The following CRX variants were observed in gnomAD, a reference collection of about 807,000 sequenced individuals.
CRX encodes the protein cone-rod homeobox, also known as cone-rod homeobox protein.
CRX carries 5 observed loss-of-function variants against 13.1 expected under a neutral mutation model. The ratio of observed to expected loss-of-function variants is 0.38; its 90% confidence interval spans 0.20 to 0.80. CRX has a LOEUF of 0.80. Among genes scored for constraint, CRX ranks in the 30% least tolerant of loss-of-function variants. The pLI is 0.43. For synonymous variants in CRX, 179 were observed against 171.1 expected (o/e 1.05, Z -0.36); for missense variants, 351 against 391.8 (o/e 0.90, Z 0.88).
Position 47,835,940 on chromosome 19 carries a change from G to A in CRX, c.101-303G>A, listed in dbSNP as rs996306273. On this transcript the variant is annotated intron_variant, in intron 2 of 3. Transcript: ENST00000221996. ...CCAGCCCAGACTTGCTACTTTTATAGGCTAGAAACGGTTGAATGTCAGCAA... is the reference window on the plus strand; with the variant it reads ...CCAGCCCAGACTTGCTACTTTTATAAGCTAGAAACGGTTGAATGTCAGCAA... Among the ~76,000 whole-genome samples the A allele has an allele frequency of 2.6e-5, 4 of 152,200 alleles. 1 individual carries two copies. The South Asian group carries it at 6.2e-4, about 24-fold the overall frequency.
intron 1 of CRX, among the ~76,000 whole-genome samples, chr19:47,828,673 T>C (rs910804287): frequency 1.4e-5 from 2 of 147,880 alleles, no homozygotes; most frequent in Non-Finnish European, 1.5e-5. Flanking sequence ...CTGGGGAAAG[T>C]AGCTGAGCTG....
At chr19:47,838,134 G>A (rs11666668) in intron 3 of CRX, among the ~76,000 whole-genome samples, 26,868 of 152,030 alleles carry the variant, frequency 0.18, 2,643 homozygotes, top group Non-Finnish European at 0.22. Context: ...ATAATTGTAT[G>A]TTTGTATGTC....
At chr19:47,824,742 G>A (rs76347589) in intron 1 of CRX, among the ~76,000 whole-genome samples, 4,009 of 152,190 alleles carry the variant, frequency 0.026, 71 homozygotes, top group Non-Finnish European at 0.041. Context: ...GGGAACCTGG[G>A]ACCCAGTGAG....
In CRX at chr19:47,840,428, G is replaced by A. The variant is rs1304464199; in HGVS notation, c.*461G>A. ...GTTTTGTTTTTGTTTTGCAGACACA[G>A]TCTAGCTCTGTCGCCCAGGCTGGAG... On this transcript the variant is annotated 3_prime_UTR_variant, in exon 4 of 4. Coordinates refer to ENST00000221996, the MANE Select transcript of CRX (RefSeq NM_000554.6). 2 of 190,512 alleles carry A rather than the reference G, an allele frequency of 1.0e-5. No individual in the cohort carries two copies. Among genetic ancestry groups the A allele is most frequent in the Non-Finnish European group, 2.2e-5 (2 of 90,500 alleles). The allele number at this position is 190,512 out of a possible 1,614,324, so 11.8% of individuals were successfully genotyped here. A position where few individuals can be genotyped will look rare whatever the true frequency, so the allele number is the denominator to read the frequency against.
intron 2 of CRX, 58 bp downstream of exon 2, chr19:47,834,601 T>A (rs937736840): frequency 1.4e-6 from 2 of 1,422,564 alleles, no homozygotes; most frequent in Non-Finnish European, 2.0e-6. Flanking sequence ...GGAGGACCTC[T>A]GGGGTCCCTT....
intron 2 of CRX, among the ~76,000 whole-genome samples, chr19:47,834,774 G>A (rs1395182547): frequency 2.0e-5 from 3 of 152,090 alleles, no homozygotes; most frequent in East Asian, 1.9e-4. Context: ...TCTGGAAGGG[G>A]AATCAAGAGG....
chr19:47,825,742 A>G (rs1967967027), intron 1 of CRX, among the ~76,000 whole-genome samples: 1 of 143,586 alleles, frequency 7.0e-6, no homozygotes, highest in Non-Finnish European at 1.6e-5. Flanking sequence ...CAACATGGAG[A>G]AACCCAATCT....
In CRX at chr19:47,840,888, A is replaced by T. The variant is rs916281196; in HGVS notation, c.*921A>T. On this transcript the variant is annotated 3_prime_UTR_variant, in exon 4 of 4. Transcript: ENST00000221996. Reference sequence around the variant, plus strand: ...TCCATCATGCCCGGCTAATTTTTCTATTATTAGTAGAGACAGGGTTTTACC... The same window carrying T: ...TCCATCATGCCCGGCTAATTTTTCTTTTATTAGTAGAGACAGGGTTTTACC... 1 of 149,750 alleles carries T rather than the reference A, an allele frequency of 6.7e-6. No individual in the cohort carries two copies. Among genetic ancestry groups the T allele is most frequent in the African/African-American group, 2.5e-5 (1 of 40,524 alleles). The allele number at this position is 149,750 out of a possible 1,614,324, so 9.3% of individuals were successfully genotyped here. A position where few individuals can be genotyped will look rare whatever the true frequency, so the allele number is the denominator to read the frequency against.
intron 3 of CRX, among the ~76,000 whole-genome samples, chr19:47,837,691 AT>A (rs1306323197): frequency 6.6e-6 from 1 of 152,144 alleles, no homozygotes; most frequent in African/African-American, 2.4e-5. Context: ...GTATGATTAG[AT>A]AGATCCATTA....
intron 3 of CRX, among the ~76,000 whole-genome samples, chr19:47,838,994 T>A (rs1196784034): frequency 6.6e-6 from 1 of 151,954 alleles, no homozygotes. Context: ...GTATGATGTA[T>A]GTATGATCAT....
intron 3 of CRX, among the ~76,000 whole-genome samples, chr19:47,837,222 A>G (rs1968128469): frequency 6.6e-6 from 1 of 152,190 alleles, no homozygotes; most frequent in Non-Finnish European, 1.5e-5. Context: ...GCTGGAGTGC[A>G]GTGGCATGAT....
chr19:47,824,901 C>G (rs535015358), intron 1 of CRX, among the ~76,000 whole-genome samples: 94 of 151,378 alleles, frequency 6.2e-4, no homozygotes, highest in African/African-American at 2.1e-3. Context: ...GTATATAAAG[C>G]CTGGGCCAAG....
At chr19:47,825,546 C>T (rs1312819464) in intron 1 of CRX, among the ~76,000 whole-genome samples, 1 of 152,108 alleles carries the variant, frequency 6.6e-6, no homozygotes, top group Non-Finnish European at 1.5e-5. Flanking sequence ...GTCTAGGCAG[C>T]ACTTTATCAT....
In CRX at chr19:47,834,077, C is replaced by T. The variant is rs113978109; in HGVS notation, c.-35-332C>T. The stretch of plus-strand genomic sequence containing the variant: ...AACTCCTGGGCTCAAGTGATCCTCC[C>T]GCCTTGGCCTCCCAAAGTGCTGGGA... On this transcript the variant is annotated intron_variant, in intron 1 of 3. Transcript: ENST00000221996. Among the ~76,000 whole-genome samples the T allele has an allele frequency of 5.2e-4, 79 of 151,952 alleles. 1 individual carries two copies. The highest frequency in any genetic ancestry group is 1.8e-3 in the African/African-American group (74 of 41,432).
At chr19:47,829,554 C>T (rs967803215) in intron 1 of CRX, among the ~76,000 whole-genome samples, 2 of 152,092 alleles carry the variant, frequency 1.3e-5, no homozygotes, top group African/African-American at 4.8e-5. Context: ...TGGTCTTGAA[C>T]TCTTGACCTC....
Position 47,841,989 on chromosome 19 carries a change from G to C in CRX, c.*2022G>C, listed in dbSNP as rs562171739. The C allele has an allele frequency of 1.4e-4, 22 of 152,348 alleles. No homozygotes were observed. The highest frequency in any genetic ancestry group is 5.3e-4 in the African/African-American group (22 of 41,558). The allele number at this position is 152,348 out of a possible 1,614,324, so 9.4% of individuals were successfully genotyped here. A position where few individuals can be genotyped will look rare whatever the true frequency, so the allele number is the denominator to read the frequency against. Reference sequence around the variant, plus strand: ...TGGTGTAAATACTCCCACCACGGCTGACTTCAAGCTAGCAACCGGAGGTCA... The same window carrying C: ...TGGTGTAAATACTCCCACCACGGCTCACTTCAAGCTAGCAACCGGAGGTCA... On this transcript the variant is annotated 3_prime_UTR_variant, in exon 4 of 4. Transcript: ENST00000221996.
At chr19:47,822,277 G>A (rs1967921582) in intron 1 of CRX, among the ~76,000 whole-genome samples, 1 of 152,178 alleles carries the variant, frequency 6.6e-6, no homozygotes, top group African/African-American at 2.4e-5. Flanking sequence ...TTGTGGGCAA[G>A]GGGGTCCCCT....
chr19:47,823,836 G>A (rs1231275233), intron 1 of CRX, among the ~76,000 whole-genome samples: 2 of 152,194 alleles, frequency 1.3e-5, no homozygotes, highest in Admixed American at 1.3e-4. Context: ...TTTTAGTAGA[G>A]ATGGGGTTTC....
At chr19:47,837,903 TG>T (rs1304250257) in intron 3 of CRX, among the ~76,000 whole-genome samples, 1 of 152,128 alleles carries the variant, frequency 6.6e-6, no homozygotes, top group Non-Finnish European at 1.5e-5. Context: ...TATGATCAGA[TG>T]GATGTCTACA....
Sources: allele counts gnomAD v4.1 joint callset (sites outside exome capture counted in the v4.1 genomes callset), GRCh38; gene constraint gnomAD v4.1.1; transcripts MANE v1.5; gene names NCBI Gene and HGNC (gene_info 2026-07-23, HGNC 2026-07-21).